Variants in ZNF385B observed in about 807,000 individuals in gnomAD.
ZNF385B encodes zinc finger protein 385B.
Under a neutral mutation model 39.2 loss-of-function variants are expected in ZNF385B, and 23 were observed. That is an observed-to-expected ratio of 0.59 (90% confidence interval 0.42 to 0.83). The LOEUF (loss-of-function observed/expected upper bound fraction) is 0.83. Among genes scored for constraint, ZNF385B ranks in the 40% least tolerant of loss-of-function variants. The pLI is 0.00. For synonymous variants in ZNF385B, 205 were observed against 222.6 expected (o/e 0.92, Z 0.70); for missense variants, 552 against 598.9 (o/e 0.92, Z 0.82).
intron 3 of ZNF385B, among the ~76,000 whole-genome samples, chr2:179,723,614 G>A (rs973874130): frequency 6.6e-6 from 1 of 151,956 alleles, no homozygotes; most frequent in African/African-American, 2.4e-5. Flanking sequence ...TTTAAAACAC[G>A]CATATTTAGT....
intron 6 of ZNF385B, among the ~76,000 whole-genome samples, chr2:179,471,432 T>C (rs965107870): frequency 6.6e-6 from 1 of 152,172 alleles, no homozygotes; most frequent in African/African-American, 2.4e-5. Flanking sequence ...ATCCAATAAC[T>C]TGGATGGCTA....
At chr2:179,829,044 T>A (rs1429305165) in intron 1 of ZNF385B, among the ~76,000 whole-genome samples, 1 of 151,768 alleles carries the variant, frequency 6.6e-6, no homozygotes, top group Admixed American at 6.6e-5. Flanking sequence ...AAAAAAGTTT[T>A]AAGAGAGCAC....
intron 5 of ZNF385B, among the ~76,000 whole-genome samples, chr2:179,517,933 A>G (rs1299752869): frequency 1.3e-5 from 2 of 152,214 alleles, no homozygotes; most frequent in Non-Finnish European, 2.9e-5. Flanking sequence ...TGGGAAAAAT[A>G]TAGGAAATTA....
At chr2:179,781,402 T>A (rs930255987) in intron 1 of ZNF385B, among the ~76,000 whole-genome samples, 1 of 152,068 alleles carries the variant, frequency 6.6e-6, no homozygotes, top group East Asian at 1.9e-4. Context: ...TACGACAAAG[T>A]GGTAAAAGGA....
intron 3 of ZNF385B, among the ~76,000 whole-genome samples, chr2:179,584,690 G>C (rs768686821): frequency 6.6e-6 from 1 of 152,170 alleles, no homozygotes; most frequent in Admixed American, 6.5e-5. Context: ...GAAGAAAGAA[G>C]GGGTTCAGTT....
At chr2:179,665,797 A>C (rs1695067135) in intron 3 of ZNF385B, among the ~76,000 whole-genome samples, 1 of 151,656 alleles carries the variant, frequency 6.6e-6, no homozygotes, top group Non-Finnish European at 1.5e-5. Flanking sequence ...ACAGGGTTAA[A>C]TTAGAAGTGC....
At position 179,518,510 on chromosome 2, in the gene ZNF385B, T is replaced by C; in HGVS notation, c.552+18A>G. 1 of 1,522,632 alleles carries C rather than the reference T, an allele frequency of 6.6e-7. No individual in the cohort carries two copies. The highest frequency in any genetic ancestry group is 9.0e-7 in the Non-Finnish European group (1 of 1,111,542). 94.3% of individuals were successfully genotyped at this position (1,522,632 alleles called of 1,614,324 possible). A position where few individuals can be genotyped will look rare whatever the true frequency, so the allele number is the denominator to read the frequency against. ...AGCTCTGACAAACTACAGAGAATAA[T>C]GAAAAGGTGATACTCACATCTGAGT... On this transcript the variant is annotated intron_variant, in intron 5 of 9. Coordinates refer to ENST00000410066, the MANE Select transcript of ZNF385B (RefSeq NM_152520.6).
At chr2:179,530,279 T>A (rs2059177231) in intron 4 of ZNF385B, among the ~76,000 whole-genome samples, 1 of 152,170 alleles carries the variant, frequency 6.6e-6, no homozygotes, top group Admixed American at 6.6e-5. Context: ...TAAAATAGGA[T>A]TCTTTATTTT....
Position 179,832,270 on chromosome 2 carries a change from C to T in ZNF385B, c.-155+28831G>A, listed in dbSNP as rs368844647. Among the ~76,000 whole-genome samples, 6 of 152,274 alleles carry T rather than the reference C, an allele frequency of 3.9e-5. 1 individual carries two copies. The highest frequency in any genetic ancestry group is 1.4e-4 in the African/African-American group (6 of 41,556). On this transcript the variant is annotated intron_variant, in intron 1 of 9. Transcript: ENST00000410066. ...CCATTCCAGGATATTCCTTGAAGTTCCCTACGTGCTACAACAGATTCACTT... is the reference window on the plus strand; with the variant it reads ...CCATTCCAGGATATTCCTTGAAGTTTCCTACGTGCTACAACAGATTCACTT...
intron 4 of ZNF385B, among the ~76,000 whole-genome samples, chr2:179,530,893 C>T (rs1192578597): frequency 6.6e-6 from 1 of 152,128 alleles, no homozygotes; most frequent in Non-Finnish European, 1.5e-5. Context: ...CCACATGCCA[C>T]ATAACCGTTA....
intron 1 of ZNF385B, among the ~76,000 whole-genome samples, chr2:179,855,950 T>C (rs183393879): frequency 1.3e-5 from 2 of 152,308 alleles, no homozygotes; most frequent in East Asian, 1.9e-4. Flanking sequence ...GGCTAAGCCA[T>C]GGTTTGACTT....
At chr2:179,635,534 A>G (rs191173144) in intron 3 of ZNF385B, among the ~76,000 whole-genome samples, 1 of 152,238 alleles carries the variant, frequency 6.6e-6, no homozygotes, top group Admixed American at 6.5e-5. Context: ...AAGTATAATA[A>G]TAATAAAAAA....
intron 1 of ZNF385B, among the ~76,000 whole-genome samples, chr2:179,853,579 C>G (rs963816329): frequency 6.6e-5 from 10 of 151,988 alleles, no homozygotes; most frequent in Non-Finnish European, 1.5e-4. Context: ...TGAAAAATAC[C>G]TAGTAAGTTT....
intron 3 of ZNF385B, among the ~76,000 whole-genome samples, chr2:179,559,619 T>G (rs1013225962): frequency 1.1e-4 from 17 of 151,652 alleles, no homozygotes; most frequent in African/African-American, 4.1e-4. Flanking sequence ...ATCAAAATTT[T>G]TACTTTACAA....
intron 1 of ZNF385B, among the ~76,000 whole-genome samples, chr2:179,789,527 T>C (rs1705201646): frequency 6.6e-6 from 1 of 152,198 alleles, no homozygotes; most frequent in African/African-American, 2.4e-5. Context: ...CAGGCAAGAA[T>C]AAACTGGACT....
At chr2:179,511,824 G>A (rs1182023196) in intron 5 of ZNF385B, among the ~76,000 whole-genome samples, 1 of 152,050 alleles carries the variant, frequency 6.6e-6, no homozygotes, top group Non-Finnish European at 1.5e-5. Context: ...ACAGCAAAAA[G>A]AACAGAAGGC....
intron 3 of ZNF385B, among the ~76,000 whole-genome samples, chr2:179,560,959 C>G (rs1263948150): frequency 6.6e-6 from 1 of 152,098 alleles, no homozygotes; most frequent in African/African-American, 2.4e-5. Flanking sequence ...TTACGTGCTC[C>G]CACGACGGTA....
intron 3 of ZNF385B, among the ~76,000 whole-genome samples, chr2:179,624,007 T>C (rs545345420): frequency 8.5e-5 from 13 of 152,336 alleles, no homozygotes; most frequent in Non-Finnish European, 1.9e-4. Flanking sequence ...TAGTTGTTTC[T>C]ATGCTTTCCT....
At chr2:179,570,643 G>T (rs977090858) in intron 3 of ZNF385B, among the ~76,000 whole-genome samples, 1 of 152,172 alleles carries the variant, frequency 6.6e-6, no homozygotes, top group African/African-American at 2.4e-5. Flanking sequence ...AAGAGAGCCA[G>T]TTGTTTGGAG....
Sources: allele counts gnomAD v4.1 joint callset (sites outside exome capture counted in the v4.1 genomes callset), GRCh38; gene constraint gnomAD v4.1.1; transcripts MANE v1.5; gene names NCBI Gene and HGNC (gene_info 2026-07-23, HGNC 2026-07-21).